COG5: variants seen among roughly 807,000 people sequenced by gnomAD.
The protein encoded by COG5 is component of oligomeric golgi complex 5.
In COG5, 86 loss-of-function variants were observed where a neutral mutation model predicts 110.4. That is an observed-to-expected ratio of 0.78 (90% confidence interval 0.65 to 0.93). The LOEUF is 0.93. COG5 is among the 40% of genes least tolerant of loss of function. The probability of loss-of-function intolerance (pLI) is 0.00; values close to 1 mark genes in which losing one functional copy is unlikely to be tolerated. For synonymous variants in COG5, 360 were observed against 334.6 expected (o/e 1.08, Z -0.83); for missense variants, 1,077 against 987.0 (o/e 1.09, Z -1.22).
intron 6 of COG5, among the ~76,000 whole-genome samples, chr7:107,490,107 A>T (rs1220698413): frequency 3.3e-5 from 5 of 152,276 alleles, no homozygotes; most frequent in African/African-American, 1.2e-4. Context: ...TTTTAAAAGG[A>T]ATGATTATGA....
chr7:107,531,547 A>G (rs1801200105), intron 5 of COG5, among the ~76,000 whole-genome samples: 1 of 152,116 alleles, frequency 6.6e-6, no homozygotes, highest in Non-Finnish European at 1.5e-5. Context: ...ACTGAAAACT[A>G]AAAATAAATA....
intron 19 of COG5, among the ~76,000 whole-genome samples, chr7:107,214,687 T>C (rs1272583035): frequency 2.0e-5 from 3 of 152,110 alleles, no homozygotes; most frequent in African/African-American, 7.2e-5. Flanking sequence ...TTTCAAAGGC[T>C]GAGGTGGGCG....
chr7:107,246,931 G>A (rs761164824), intron 17 of COG5, among the ~76,000 whole-genome samples: 2 of 152,086 alleles, frequency 1.3e-5, no homozygotes, highest in South Asian at 2.1e-4. Context: ...CATGTTCATC[G>A]CAGCACTATT....
intron 11 of COG5, among the ~76,000 whole-genome samples, chr7:107,320,323 C>A (rs1256739422): frequency 6.6e-6 from 1 of 152,210 alleles, no homozygotes; most frequent in African/African-American, 2.4e-5. Flanking sequence ...ATAGCAACAA[C>A]AGGGATTTAT....
chr7:107,364,508 A>G (rs772461337), intron 8 of COG5, among the ~76,000 whole-genome samples: 18 of 152,224 alleles, frequency 1.2e-4, no homozygotes, highest in Admixed American at 5.2e-4. Context: ...TTTCTTGTAT[A>G]TAACACACAC....
intron 6 of COG5, among the ~76,000 whole-genome samples, chr7:107,487,105 A>C (rs1205732904): frequency 6.6e-6 from 1 of 152,224 alleles, no homozygotes; most frequent in Non-Finnish European, 1.5e-5. Context: ...TAAAACTTCT[A>C]AAATTAAACC....
At chr7:107,440,523 G>C (rs1794643864) in intron 6 of COG5, among the ~76,000 whole-genome samples, 1 of 152,096 alleles carries the variant, frequency 6.6e-6, no homozygotes, top group Non-Finnish European at 1.5e-5. Flanking sequence ...ACGGTCTTTT[G>C]CATGCTAATA....
At chr7:107,302,198 A>C (rs905592991) in intron 11 of COG5, among the ~76,000 whole-genome samples, 1 of 152,230 alleles carries the variant, frequency 6.6e-6, no homozygotes, top group Admixed American at 6.5e-5. Context: ...ACTATGCAAC[A>C]ACAAAAACAT....
intron 10 of COG5, among the ~76,000 whole-genome samples, chr7:107,352,810 A>G (rs1812282355): frequency 6.6e-6 from 1 of 152,208 alleles, no homozygotes. Context: ...CATGATTACA[A>G]GATTCTGTTT....
chr7:107,477,933 G>T (rs1161285893), intron 6 of COG5, among the ~76,000 whole-genome samples: 1 of 151,762 alleles, frequency 6.6e-6, no homozygotes, highest in Non-Finnish European at 1.5e-5. Flanking sequence ...AAGCATTAAG[G>T]CTAATTCTTC....
chr7:107,439,075 C>T (rs1794547052), intron 6 of COG5, among the ~76,000 whole-genome samples: 1 of 152,070 alleles, frequency 6.6e-6, no homozygotes, highest in African/African-American at 2.4e-5. Context: ...CTGTGTTCAA[C>T]CCAATTTCTG....
rs1813164940 is a variant in COG5, at chr7:107,362,062, G to A, written c.997C>T (p.His333Tyr). The change falls in exon 10 of 22, where the codon CAC becomes TAC. Residue 333 changes from histidine (H) to tyrosine (Y), a missense_variant. Coordinates refer to ENST00000297135, the MANE Select transcript of COG5 (RefSeq NM_006348.5). The part of the protein sequence containing the change: ...VLAKKRDPVS[H>Y]ICFIEEIVKD... ...ACTATTTCTTCAATGAAACAAATGT[G>A]AGAAACAGGATCTCTCTTCTTGGCC... 3.7e-6 allele frequency: 6 copies of A among 1,608,004 alleles called. No individual in the cohort carries two copies. Among genetic ancestry groups the A allele is most frequent in the Non-Finnish European group, 5.1e-6 (6 of 1,175,316 alleles).
At chr7:107,422,031 T>C (rs1346841884) in intron 6 of COG5, among the ~76,000 whole-genome samples, 1 of 151,992 alleles carries the variant, frequency 6.6e-6, no homozygotes, top group African/African-American at 2.4e-5. Context: ...AAATCAATAA[T>C]ACAAACTCCT....
At chr7:107,358,835 G>C (rs1812850370) in intron 10 of COG5, among the ~76,000 whole-genome samples, 2 of 152,054 alleles carry the variant, frequency 1.3e-5, no homozygotes, top group South Asian at 4.1e-4. Context: ...ATAATCAAGG[G>C]GGTCAAGTCT....
chr7:107,563,891 T>G lies in COG5; in HGVS notation c.6A>C (p.Glu2Asp), dbSNP rs754144633. Reference protein sequence around the residue: MEGGGGSVAVAG... With the variant: MDGGGGSVAVAG... Reference sequence around the variant, plus strand: ...CTACAGCGACGCTGCCGCCGCCACCTTCCATGTTGGCAGGTGCCGGGTTGA... The same window carrying G: ...CTACAGCGACGCTGCCGCCGCCACCGTCCATGTTGGCAGGTGCCGGGTTGA... The change falls in exon 1 of 22, where the codon GAA becomes GAC. Residue 2 changes from glutamate (E) to aspartate (D), a missense_variant. By Grantham distance (45) the Glu-to-Asp change is conservative. Coordinates refer to ENST00000297135, the MANE Select transcript of COG5 (RefSeq NM_006348.5). The G allele has an allele frequency of 2.5e-6, 4 of 1,613,748 alleles. No homozygotes were observed. Among genetic ancestry groups the G allele is most frequent in the Non-Finnish European group, 3.4e-6 (4 of 1,179,952 alleles).
chr7:107,513,752 C>T (rs1799711615), intron 6 of COG5, among the ~76,000 whole-genome samples: 1 of 152,138 alleles, frequency 6.6e-6, no homozygotes, highest in South Asian at 2.1e-4. Flanking sequence ...TTTGTAGGGA[C>T]ATGGATGAAG....
At chr7:107,563,696 G>T in intron 1 of COG5, 107 bp downstream of exon 1, 1 of 1,334,334 alleles carries the variant, frequency 7.5e-7, no homozygotes, top group Non-Finnish European at 1.1e-6. Flanking sequence ...GTCACGTCCA[G>T]ACTGGAAAAC....
chr7:107,417,856 TC>T (rs1792993128), intron 6 of COG5, among the ~76,000 whole-genome samples: 3 of 152,154 alleles, frequency 2.0e-5, no homozygotes, highest in African/African-American at 4.8e-5. Flanking sequence ...TTGTCTTAAA[TC>T]CCTTTGTATT....
At chr7:107,236,979 C>G (rs1801243885) in intron 17 of COG5, among the ~76,000 whole-genome samples, 1 of 152,204 alleles carries the variant, frequency 6.6e-6, no homozygotes, top group African/African-American at 2.4e-5. Flanking sequence ...ATGAATCATA[C>G]AAGTGCTACT....
Sources: allele counts gnomAD v4.1 joint callset (sites outside exome capture counted in the v4.1 genomes callset), GRCh38; gene constraint gnomAD v4.1.1; transcripts MANE v1.5; gene names NCBI Gene and HGNC (gene_info 2026-07-23, HGNC 2026-07-21).